The following CKB variants were observed in gnomAD, a reference collection of about 807,000 sequenced individuals.
CKB encodes the protein creatine kinase B.
In CKB, 15 loss-of-function variants were observed where a neutral mutation model predicts 36.9. That is an observed-to-expected ratio of 0.41 (90% CI 0.27 to 0.63). The LOEUF (loss-of-function observed/expected upper bound fraction) is 0.63. Among genes scored for constraint, CKB ranks in the 20% least tolerant of loss-of-function variants. The pLI is 0.34. For missense variants in CKB, 413 were observed against 534.9 expected (o/e 0.77, Z 2.25); for synonymous variants, 250 against 228.2 (o/e 1.10, Z -0.86).
At chr14:103,520,963 G>T (rs972883681) in intron 5 of CKB, 43 of 565,740 alleles carry the variant, frequency 7.6e-5, no homozygotes, top group Non-Finnish European at 1.3e-4. Context: ...AGCTCCCAGG[G>T]CCGTCGGGGA....
At chr14:103,521,651 G>A (rs1035088282) in intron 4 of CKB, 167 bp downstream of exon 4, 150 of 997,074 alleles carry the variant, frequency 1.5e-4, no homozygotes, top group Middle Eastern at 1.4e-3. Flanking sequence ...TGTGGGCGCG[G>A]GGCTGGGCCT....
At chr14:103,520,871 T>A in intron 5 of CKB, 1 of 506,678 alleles carries the variant, frequency 2.0e-6, no homozygotes, top group African/African-American at 2.0e-5. Context: ...GTAGGAGCCC[T>A]GCCCCTGGAG....
intron 5 of CKB, 198 bp from the exon 6 acceptor site, chr14:103,520,790 A>G (rs1283432542): frequency 4.0e-6 from 3 of 756,702 alleles, no homozygotes; most frequent in African/African-American, 1.8e-5. Flanking sequence ...AGCTGCCATC[A>G]TGCGCTGTGG....
Position 103,522,548 on chromosome 14 carries a change from T to A in CKB, c.-12-43A>T. The A allele has an allele frequency of 9.3e-7, 1 of 1,078,944 alleles. No homozygotes were observed. The highest frequency in any genetic ancestry group is 1.2e-6 in the Non-Finnish European group (1 of 821,304). 66.8% of individuals were successfully genotyped at this position (1,078,944 alleles called of 1,614,324 possible). Reference sequence around the variant, plus strand: ...GTCAGAGGGGACCGGCACGCCGGGGTTCCCGGGCTCCCGCGTACCACTCAG... The same window carrying A: ...GTCAGAGGGGACCGGCACGCCGGGGATCCCGGGCTCCCGCGTACCACTCAG... On this transcript the variant is annotated intron_variant, in intron 1 of 7. Transcript: ENST00000348956. This position sits in a 1 kb window ranked among gnomAD's most constrained non-coding sequence, Gnocchi z 6.7.
In CKB at chr14:103,522,059, A is replaced by G; in HGVS notation, c.312T>C (p.Asp104=). 6.4e-7 allele frequency: 1 copy of G among 1,553,436 alleles called. No homozygotes were observed. Among genetic ancestry groups the G allele is most frequent in the Non-Finnish European group, 8.7e-7 (1 of 1,149,142 alleles). The change falls in exon 3 of 8, where the codon GAT becomes GAC. Residue 104 remains aspartate (D), a synonymous_variant. Transcript: ENST00000348956. The surrounding 1 kb of genome is among the most constrained non-coding windows in gnomAD (Gnocchi z 6.7). ...EDRHGGYKPS[D]EHKTDLNPDN... is the part of the protein sequence containing the mutation. ...CGGGGTTGAGGTCGGTCTTGTGCTCATCGCTGGGCTTGTAGCCGCCGTGCC... is the reference window on the plus strand; with the variant it reads ...CGGGGTTGAGGTCGGTCTTGTGCTCGTCGCTGGGCTTGTAGCCGCCGTGCC...
At position 103,522,241 on chromosome 14, in the gene CKB, G is replaced by A; in HGVS notation, c.193+60C>T. ...TGCCGGGCCCGAGCGCGCTGCTGAG[G>A]ACCCTGCGGCTGCGCGGGGGGAGGG... On this transcript the variant is annotated intron_variant, in intron 2 of 7. Coordinates refer to ENST00000348956, the MANE Select transcript of CKB (RefSeq NM_001823.5). The surrounding 1 kb of genome is among the most constrained non-coding windows in gnomAD (Gnocchi z 6.7). 3.2e-6 allele frequency: 5 copies of A among 1,542,420 alleles called. No individual in the cohort carries two copies. Among genetic ancestry groups the A allele is most frequent in the Non-Finnish European group, 4.4e-6 (5 of 1,134,672 alleles).
intron 7 of CKB, 32 bp downstream of exon 7, chr14:103,520,090 C>T (rs764972307): frequency 6.2e-7 from 1 of 1,602,898 alleles, no homozygotes; most frequent in Non-Finnish European, 8.5e-7. Flanking sequence ...TGCCCAAAGG[C>T]CACGGGAAGC....
intron 6 of CKB, 36 bp downstream of exon 6, chr14:103,520,433 G>T: frequency 2.5e-6 from 4 of 1,592,168 alleles, no homozygotes; most frequent in East Asian, 2.3e-5. Context: ...ATCCCTGCTG[G>T]GGCCCTGGGG....
chr14:103,521,497 C>T, intron 4 of CKB, 63 bp from the exon 5 acceptor site: 1 of 1,372,002 alleles, frequency 7.3e-7, no homozygotes, highest in Non-Finnish European at 9.4e-7. Context: ...GCAGCGCGGA[C>T]CCGCCCGCCC....
At position 103,522,350 on chromosome 14, in the gene CKB, CGGCGTGCTCTT is replaced by C. The variant is rs1566963198; in HGVS notation, c.133_143del (p.Lys45GlufsTer57). 1 of 1,610,938 alleles carries C rather than the reference CGGCGTGCTCTT, an allele frequency of 6.2e-7. No individual in the cohort carries two copies. Among genetic ancestry groups the C allele is most frequent in the East Asian group, 2.2e-5 (1 of 44,744 alleles). On this transcript the variant is annotated frameshift_variant, in exon 2 of 8. Coordinates refer to ENST00000348956, the MANE Select transcript of CKB (RefSeq NM_001823.5). LOFTEE classifies it high-confidence loss of function. This position sits in a 1 kb window ranked among gnomAD's most constrained non-coding sequence, Gnocchi z 6.7. ...TGACGTCGTCCAGCGTGAAGCCGCT[CGGCGTGCTCTT>C]GGCGCGCAGCTCCGCGTACAGCTCG...
At position 103,519,872 on chromosome 14, in the gene CKB, G is replaced by T; in HGVS notation, c.1138C>A (p.Gln380Lys). The T allele has an allele frequency of 6.2e-7, 1 of 1,603,134 alleles. No individual in the cohort carries two copies. Residue 380 changes from glutamine to lysine, a missense_variant, in exon 8 of 8, where the codon CAG (glutamine) becomes AAG (lysine). Physicochemically the swap from Gln to Lys is moderately conservative, Grantham distance 53. Coordinates refer to ENST00000348956, the MANE Select transcript of CKB (RefSeq NM_001823.5). ...GQAIDDLMPA[Q>K]K is the part of the protein sequence containing the mutation. ...CGGGTGTGGGCCGGGCTTCATTTCTGGGCAGGCATGAGGTCGTCGATGGCC... is the reference window on the plus strand; with the variant it reads ...CGGGTGTGGGCCGGGCTTCATTTCTTGGCAGGCATGAGGTCGTCGATGGCC...
intron 5 of CKB, chr14:103,521,027 C>A: frequency 1.5e-6 from 1 of 653,626 alleles, no homozygotes; most frequent in Non-Finnish European, 2.7e-6. Flanking sequence ...GGAGGTGTTG[C>A]TGAGTCCTGA....
At position 103,521,874 on chromosome 14, in the gene CKB, A is replaced by G. The variant is rs1482404800; in HGVS notation, c.425T>C (p.Leu142Pro). Residue 142 changes from leucine (L) to proline (P), a missense_variant, in exon 4 of 8, where the codon CTC becomes CCC. Physicochemically the swap from Leu to Pro is moderately conservative, Grantham distance 98 (BLOSUM62 -3). Transcript: ENST00000348956. Reference sequence around the variant, plus strand: ...CTCCCCGCGGCTGCAGTGCGGGGGGAGGCAGAAGCCACGGATGCTGCGGCC... The same window carrying G: ...CTCCCCGCGGCTGCAGTGCGGGGGGGGGCAGAAGCCACGGATGCTGCGGCC... The part of the protein sequence containing the change: ...RTGRSIRGFC[L>P]PPHCSRGERR... The G allele has an allele frequency of 2.6e-6, 4 of 1,557,030 alleles. No individual in the cohort carries two copies. Among genetic ancestry groups the G allele is most frequent in the Admixed American group, 3.7e-5 (2 of 54,490 alleles).
rs1467392107 is a variant in CKB at position 103,520,320 on chromosome 14, G to A, written c.778-9C>T. ...TTGAAGAGAGTTTCAATCTGCAGAC[G>A]GAGAAGAGGGTATGAGGGAGAAGGC... On this transcript the variant is annotated splice_polypyrimidine_tract_variant and intron_variant, in intron 6 of 7. Coordinates refer to ENST00000348956, the MANE Select transcript of CKB (RefSeq NM_001823.5). The A allele has an allele frequency of 1.9e-6, 3 of 1,600,138 alleles. No homozygotes were observed. The highest frequency in any genetic ancestry group is 1.3e-5 in the African/African-American group (1 of 74,720).
chr14:103,521,948 G>A lies in CKB; in HGVS notation c.351C>T (p.Gly117=), dbSNP rs753411210. ...CGTAGTTGGGGTCCAGGTCGTCGCC[G>A]CCCTGGGAGGCGAGACGGGAGTGAG... ...KTDLNPDNLQ[G]GDDLDPNYVL... The change falls in exon 4 of 8, where the codon GGC becomes GGT. Residue 117 remains glycine (G), a splice_region_variant and synonymous_variant. Transcript: ENST00000348956. The A allele has an allele frequency of 1.9e-4, 297 of 1,572,232 alleles. No individual in the cohort carries two copies. Among genetic ancestry groups the A allele is most frequent in the Non-Finnish European group, 2.4e-4 (282 of 1,165,362 alleles).
chr14:103,521,795 C>T, intron 4 of CKB, 23 bp downstream of exon 4: 2 of 1,382,752 alleles, frequency 1.4e-6, no homozygotes, highest in South Asian at 3.2e-5. Flanking sequence ...CCGCCGCCGC[C>T]CCTCGGCCCG....
chr14:103,520,783 T>A, intron 5 of CKB, 191 bp from the exon 6 acceptor site: 2 of 781,002 alleles, frequency 2.6e-6, no homozygotes, highest in Non-Finnish European at 3.9e-6. Flanking sequence ...GAACCCCAGC[T>A]GCCATCATGC....
At chr14:103,520,874 C>T in intron 5 of CKB, 1 of 512,726 alleles carries the variant, frequency 2.0e-6, no homozygotes, top group Non-Finnish European at 3.5e-6. Flanking sequence ...GGAGCCCTGC[C>T]CCTGGAGAAG....
At position 103,519,808 on chromosome 14, in the gene CKB, C is replaced by CTG; in HGVS notation, c.*54_*55dup. The CTG allele has an allele frequency of 6.5e-7, 1 of 1,544,488 alleles. No individual in the cohort carries two copies. The highest frequency in any genetic ancestry group is 1.4e-5 in the African/African-American group (1 of 73,742). Reference sequence around the variant, plus strand: ...GAACATCAGGGGTGCATGGTGGGCACTGCCCAGGCAATAAGTTAGGAAGCA... The same window carrying CTG: ...GAACATCAGGGGTGCATGGTGGGCACTGTGCCCAGGCAATAAGTTAGGAAGCA... On this transcript the variant is annotated 3_prime_UTR_variant, in exon 8 of 8. Transcript: ENST00000348956.
Sources: allele counts gnomAD v4.1 joint callset, GRCh38; gene constraint gnomAD v4.1.1; non-coding constraint Gnocchi (gnomAD v3.1); transcripts MANE v1.5; gene names NCBI Gene and HGNC (gene_info 2026-07-23, HGNC 2026-07-21).